MAGI2: variants seen among roughly 807,000 people sequenced by gnomAD.
The protein encoded by MAGI2 is membrane-associated guanylate kinase, WW and PDZ domain-containing protein 2.
MAGI2 carries 35 observed loss-of-function variants against 133.3 expected under a neutral mutation model. The ratio of observed to expected loss-of-function variants is 0.26; its 90% CI spans 0.20 to 0.35. The LOEUF (loss-of-function observed/expected upper bound fraction) is 0.35, where lower values mean the gene tolerates loss of function less well. Among genes scored for constraint, MAGI2 ranks in the 10% least tolerant of loss-of-function variants. The pLI, the probability that MAGI2 is intolerant of heterozygous loss-of-function variation, is 1.00. For missense variants in MAGI2, 1,636 were observed against 1,863.4 expected, an observed-to-expected ratio of 0.88 and a Z score of 2.25; for synonymous variants, 729 against 710.6, an observed-to-expected ratio of 1.03 and a Z score of -0.41.
intron 1 of MAGI2, among the ~76,000 whole-genome samples, chr7:79,166,019 C>A (rs1824871442): frequency 6.6e-6 from 1 of 151,918 alleles, no homozygotes; most frequent in Admixed American, 6.6e-5. Context: ...AGGGAAAAAT[C>A]TTTGTTGGTT....
Position 78,430,223 on chromosome 7 carries a change from G to A in MAGI2, c.1045+59538C>T, listed in dbSNP as rs908779233. Among the ~76,000 whole-genome samples the A allele has an allele frequency of 6.9e-5, 8 of 116,326 alleles. No individual in the cohort carries two copies. The South Asian group carries it at 2.3e-3, about 33-fold the overall frequency. The allele number at this position is 116,326 out of a possible 152,430, so 76.3% of individuals were successfully genotyped here. ...ATTACAATGCTCTAACTGTATTACT[G>A]TCTGTTCTGGAAAAGCCTTTTTTTT... On this transcript the variant is annotated intron_variant, in intron 6 of 21. Transcript: ENST00000354212.
At chr7:78,203,975 T>C (rs1419422745) in intron 10 of MAGI2, among the ~76,000 whole-genome samples, 2 of 152,166 alleles carry the variant, frequency 1.3e-5, no homozygotes, top group African/African-American at 4.8e-5. Context: ...TCTATTTCAA[T>C]TAAAATTAAA....
At chr7:78,385,558 A>C (rs1444801279) in intron 6 of MAGI2, among the ~76,000 whole-genome samples, 1 of 152,192 alleles carries the variant, frequency 6.6e-6, no homozygotes, top group Non-Finnish European at 1.5e-5. Context: ...ATTTAATGAA[A>C]GTAATGTCCA....
intron 3 of MAGI2, among the ~76,000 whole-genome samples, chr7:78,543,507 A>C (rs1021484400): frequency 6.6e-6 from 1 of 152,226 alleles, no homozygotes; most frequent in African/African-American, 2.4e-5. Flanking sequence ...TAGAGTAATG[A>C]CTTCATTCAG....
chr7:78,814,860 T>C (rs1789419792), intron 2 of MAGI2, among the ~76,000 whole-genome samples: 1 of 152,188 alleles, frequency 6.6e-6, no homozygotes, highest in Non-Finnish European at 1.5e-5. Flanking sequence ...TTAGCTGTGA[T>C]AACAGGTGCA....
At chr7:78,376,621 T>G (rs764155106) in intron 6 of MAGI2, among the ~76,000 whole-genome samples, 9 of 152,062 alleles carry the variant, frequency 5.9e-5, no homozygotes, top group Non-Finnish European at 8.8e-5. Flanking sequence ...CTTACCAAAT[T>G]TAATAGAAAA....
chr7:78,647,023 C>T (rs1023863557), intron 2 of MAGI2, among the ~76,000 whole-genome samples: 25 of 152,094 alleles, frequency 1.6e-4, no homozygotes, highest in Admixed American at 1.5e-3. Context: ...CATATCAACA[C>T]GTAAAATGCA....
chr7:78,803,768 T>C (rs1788282328), intron 2 of MAGI2, among the ~76,000 whole-genome samples: 1 of 152,238 alleles, frequency 6.6e-6, no homozygotes, highest in Non-Finnish European at 1.5e-5. Context: ...ATTGCTACTT[T>C]ATGTGTGACT....
chr7:79,399,079 C>CTTTTCTTTTTTTTTTTTTTTTTTTTT (rs1585840184), intron 1 of MAGI2, among the ~76,000 whole-genome samples: 6 of 114,612 alleles, frequency 5.2e-5, no homozygotes, highest in East Asian at 5.8e-4. Flanking sequence ...AGTATTATTT[C>CTTTTCTTTTTTTTTTTTTTTTTTTTT]TTTTTTTTTT....
intron 2 of MAGI2, among the ~76,000 whole-genome samples, chr7:78,655,571 A>AC (rs141650850): frequency 0.052 from 7,826 of 151,732 alleles, 299 homozygotes; most frequent in East Asian, 0.16. Flanking sequence ...GGGCGGCATC[A>AC]CCAGAAGGGA....
chr7:78,593,656 C>T (rs932022122), intron 3 of MAGI2, among the ~76,000 whole-genome samples: 1 of 152,152 alleles, frequency 6.6e-6, no homozygotes, highest in Non-Finnish European at 1.5e-5. Context: ...TATTTGTCTT[C>T]CAGATGGGAT....
At chr7:78,384,831 T>C (rs1324935045) in intron 6 of MAGI2, among the ~76,000 whole-genome samples, 1 of 152,176 alleles carries the variant, frequency 6.6e-6, no homozygotes, top group Non-Finnish European at 1.5e-5. Context: ...TGAAGCATTG[T>C]TTAATTAAAA....
At chr7:78,640,012 G>C (rs932619553) in intron 2 of MAGI2, among the ~76,000 whole-genome samples, 2 of 152,160 alleles carry the variant, frequency 1.3e-5, no homozygotes, top group African/African-American at 4.8e-5. Context: ...CCTTTTTTGA[G>C]ATTTTAGTAT....
chr7:79,177,120 T>C (rs201272121), intron 1 of MAGI2: 3 of 152,018 alleles, frequency 2.0e-5, no homozygotes, highest in East Asian at 3.9e-4. Context: ...TTCTCAGTTA[T>C]GGTAATTTTG....
chr7:79,176,175 A>C lies in MAGI2; in HGVS notation c.302-168969T>G, dbSNP rs182959276. Reference sequence around the variant, plus strand: ...CATATTGCATATGCATGTGGTGGACATCATGATGCCCACTCGAATATACCT... The same window carrying C: ...CATATTGCATATGCATGTGGTGGACCTCATGATGCCCACTCGAATATACCT... On this transcript the variant is annotated intron_variant, in intron 1 of 21. Coordinates refer to ENST00000354212, the MANE Select transcript of MAGI2 (RefSeq NM_012301.4). Among the ~76,000 whole-genome samples the C allele has an allele frequency of 1.7e-3, 263 of 152,132 alleles. 4 individuals carry two copies. Among genetic ancestry groups the C allele is most frequent in the African/African-American group, 5.8e-3 (239 of 41,448 alleles).
intron 2 of MAGI2, among the ~76,000 whole-genome samples, chr7:78,763,864 A>G (rs893050325): frequency 6.6e-6 from 1 of 152,202 alleles, no homozygotes; most frequent in African/African-American, 2.4e-5. Context: ...TACAAAATCA[A>G]TTAATTTCAA....
intron 7 of MAGI2, among the ~76,000 whole-genome samples, chr7:78,365,148 G>A (rs901805822): frequency 1.3e-5 from 2 of 152,194 alleles, no homozygotes; most frequent in African/African-American, 4.8e-5. Context: ...TCTTGCTCTC[G>A]GTGGCCATGT....
At chr7:78,893,336 T>C (rs1344201410) in intron 2 of MAGI2, among the ~76,000 whole-genome samples, 1 of 152,214 alleles carries the variant, frequency 6.6e-6, no homozygotes, top group Non-Finnish European at 1.5e-5. Context: ...TCCTCAGGGA[T>C]CTAGAATTAG....
At chr7:79,427,420 T>C (rs1847462049) in intron 1 of MAGI2, among the ~76,000 whole-genome samples, 1 of 152,142 alleles carries the variant, frequency 6.6e-6, no homozygotes, top group African/African-American at 2.4e-5. Flanking sequence ...ATGCCATCTA[T>C]CGAAATGATT....
Sources: gnomAD v4.1 joint callset for allele counts (sites outside exome capture counted in the v4.1 genomes callset) on GRCh38, gnomAD v4.1.1 for gene constraint, MANE v1.5 for transcripts, NCBI Gene and HGNC (gene_info 2026-07-23, HGNC 2026-07-21) for gene names.